CAMK4: variants seen among roughly 807,000 people sequenced by gnomAD.
CAMK4 encodes the protein calcium/calmodulin dependent protein kinase IV.
CAMK4 carries 22 observed loss-of-function variants against 44.9 expected under a neutral mutation model. The observed-to-expected ratio is 0.49, with a 90% confidence interval of 0.35 to 0.70. The LOEUF is 0.70. Ranked by LOEUF, CAMK4 falls within the 30% of genes least tolerant of loss-of-function variation. The pLI is 0.01. For synonymous variants in CAMK4, 218 were observed against 215.4 expected (o/e 1.01, Z -0.11); for missense variants, 498 against 586.8 (o/e 0.85, Z 1.56).
chr5:111,432,645 T>C (rs568256264), intron 5 of CAMK4, among the ~76,000 whole-genome samples: 76 of 132,950 alleles, frequency 5.7e-4, no homozygotes, highest in African/African-American at 2.2e-3. Context: ...TACATATATA[T>C]ATGTATATAT....
chr5:111,421,433 C>T (rs999178289), intron 5 of CAMK4, among the ~76,000 whole-genome samples: 3 of 152,180 alleles, frequency 2.0e-5, no homozygotes, highest in African/African-American at 7.2e-5. Context: ...TTGGGCAGGG[C>T]AATTTCTTTA....
At chr5:111,228,509 G>GGTGTGTGTGTGTGTGTGTGTGTGTGT (rs373248608) in intron 1 of CAMK4, among the ~76,000 whole-genome samples, 2 of 145,254 alleles carry the variant, frequency 1.4e-5, no homozygotes, top group African/African-American at 5.1e-5. Context: ...CATAGTAAGG[G>GGTGTGTGTGTGTGTGTGTGTGTGTGT]GTGTGTGTGT....
intron 4 of CAMK4, among the ~76,000 whole-genome samples, chr5:111,390,376 G>A (rs781652982): frequency 1.3e-5 from 2 of 151,936 alleles, no homozygotes; most frequent in Non-Finnish European, 2.9e-5. Flanking sequence ...TTGTTCTGCT[G>A]CTTCTCACCC....
At chr5:111,337,855 C>T (rs1379653643) in intron 1 of CAMK4, among the ~76,000 whole-genome samples, 1 of 151,002 alleles carries the variant, frequency 6.6e-6, no homozygotes, top group African/African-American at 2.4e-5. Flanking sequence ...TTTCAGCAGC[C>T]GGACTTGTAA....
At chr5:111,465,347 T>G (rs1431438581) in intron 7 of CAMK4, among the ~76,000 whole-genome samples, 1 of 151,022 alleles carries the variant, frequency 6.6e-6, no homozygotes, top group African/African-American at 2.4e-5. Flanking sequence ...AAGAAATAAC[T>G]AAGATAAGAG....
At position 111,493,838 on chromosome 5, in the gene CAMK4, A is replaced by C. The variant is rs1755953062; in HGVS notation, c.*9372A>C. 1 of 152,208 alleles carries C rather than the reference A, an allele frequency of 6.6e-6. No homozygotes were observed. Among genetic ancestry groups the C allele is most frequent in the Non-Finnish European group, 1.5e-5 (1 of 68,034 alleles). 9.4% of individuals were successfully genotyped at this position (152,208 alleles called of 1,614,324 possible). A position where few individuals can be genotyped will look rare whatever the true frequency, so the allele number is the denominator to read the frequency against. ...TTTATTTCAGATAATGCCTGTGATT[A>C]GTGAATGGCGGCATTATTCCTGAAG... On this transcript the variant is annotated 3_prime_UTR_variant, in exon 11 of 11. Coordinates refer to ENST00000282356, the MANE Select transcript of CAMK4 (RefSeq NM_001744.6). The surrounding 1 kb of genome is among the most constrained non-coding windows in gnomAD (Gnocchi z 4.1).
chr5:111,398,861 C>T (rs1413962767), intron 5 of CAMK4, among the ~76,000 whole-genome samples: 3 of 152,074 alleles, frequency 2.0e-5, no homozygotes, highest in Non-Finnish European at 4.4e-5. Context: ...AAATAATAAT[C>T]AACAGGTCCA....
rs1383999048 is a variant in CAMK4, at chr5:111,493,570, A to G, written c.*9104A>G. 1 of 152,224 alleles carries G rather than the reference A, an allele frequency of 6.6e-6. No individual in the cohort carries two copies. Among genetic ancestry groups the G allele is most frequent in the Non-Finnish European group, 1.5e-5 (1 of 68,036 alleles). The allele number at this position is 152,224 out of a possible 1,614,324, so 9.4% of individuals were successfully genotyped here. On this transcript the variant is annotated 3_prime_UTR_variant, in exon 11 of 11. Transcript: ENST00000282356. This position sits in a 1 kb window ranked among gnomAD's most constrained non-coding sequence, Gnocchi z 4.1. ...AATTCTACCTGAAAGTTTAGATTTT[A>G]AAAGACAACCTGTAGGAAGCTAAGT...
intron 7 of CAMK4, among the ~76,000 whole-genome samples, chr5:111,461,698 T>A (rs1754646653): frequency 6.8e-6 from 1 of 147,782 alleles, no homozygotes; most frequent in Admixed American, 6.9e-5. Context: ...CTCTTCTCCC[T>A]CCTCCCTCCT....
rs149092164 is a variant in CAMK4, at chr5:111,477,015, A to G, written c.702-1366A>G. Among the ~76,000 whole-genome samples the G allele has an allele frequency of 1.8e-3, 272 of 152,338 alleles. 2 individuals carry two copies. The East Asian group carries it at 0.032, about 18-fold the overall frequency. ...TAAACTAAGTCTAGGAAGCTGGCTC[A>G]TTTCTCCATGACTAACTGCAACAGG... On this transcript the variant is annotated intron_variant, in intron 8 of 10. Coordinates refer to ENST00000282356, the MANE Select transcript of CAMK4 (RefSeq NM_001744.6).
At chr5:111,272,846 T>C (rs891728748) in intron 1 of CAMK4, among the ~76,000 whole-genome samples, 10 of 152,110 alleles carry the variant, frequency 6.6e-5, no homozygotes, top group Admixed American at 2.6e-4. Flanking sequence ...AATAAGAAAA[T>C]GAATTTGCTA....
intron 1 of CAMK4, among the ~76,000 whole-genome samples, chr5:111,333,814 ATAGT>A (rs1290967359): frequency 6.6e-6 from 1 of 151,610 alleles, no homozygotes; most frequent in Non-Finnish European, 1.5e-5. Flanking sequence ...TGAAGAGTTA[ATAGT>A]TAGTTGCCAA....
chr5:111,473,232 AT>A (rs1260106086), intron 7 of CAMK4, 78 bp from the exon 8 acceptor site: 5 of 944,746 alleles, frequency 5.3e-6, no homozygotes, highest in Non-Finnish European at 8.6e-6. Context: ...TGATGAATTT[AT>A]TTCTTTCCCA....
chr5:111,417,442 C>A (rs936677795), intron 5 of CAMK4, among the ~76,000 whole-genome samples: 2 of 152,022 alleles, frequency 1.3e-5, no homozygotes, highest in Admixed American at 1.3e-4. Flanking sequence ...TCTCAAACTC[C>A]TGACCTCAAG....
At chr5:111,393,896 T>G (rs540644107) in intron 4 of CAMK4, among the ~76,000 whole-genome samples, 4 of 146,784 alleles carry the variant, frequency 2.7e-5, no homozygotes, top group African/African-American at 7.5e-5. Flanking sequence ...TTTTAAAGAA[T>G]CACATTACCA....
rs1359407310 is a variant in CAMK4 at position 111,492,487 on chromosome 5, C to T, written c.*8021C>T. On this transcript the variant is annotated 3_prime_UTR_variant, in exon 11 of 11. Transcript: ENST00000282356. ...TAACAAAATGTAGATTAGGATTCCA[C>T]ATTCTCCCCTGCCCATCTTCTTGAT... 2 of 152,188 alleles carry T rather than the reference C, an allele frequency of 1.3e-5. No homozygotes were observed. The highest frequency in any genetic ancestry group is 6.3e-3 in the Middle Eastern group (2 of 318). The allele number at this position is 152,188 out of a possible 1,614,324, so 9.4% of individuals were successfully genotyped here.
At chr5:111,251,935 G>C (rs1364059956) in intron 1 of CAMK4, among the ~76,000 whole-genome samples, 2 of 152,028 alleles carry the variant, frequency 1.3e-5, no homozygotes, top group Admixed American at 6.6e-5. Flanking sequence ...TGCTACTAAT[G>C]AACTCAGATA....
chr5:111,396,633 T>TTTTTTC (rs1752022043), intron 5 of CAMK4, among the ~76,000 whole-genome samples: 1 of 52,110 alleles, frequency 1.9e-5, no homozygotes, highest in South Asian at 1.0e-3. Context: ...CTCATATTCT[T>TTTTTTC]TTTTTTTTTT....
At chr5:111,245,850 A>G (rs1749210772) in intron 1 of CAMK4, among the ~76,000 whole-genome samples, 2 of 152,240 alleles carry the variant, frequency 1.3e-5, no homozygotes, top group Admixed American at 6.5e-5. Context: ...GAACAAACCT[A>G]TCAGCCACAG....
Sources: gnomAD v4.1 joint callset for allele counts (sites outside exome capture counted in the v4.1 genomes callset) on GRCh38, gnomAD v4.1.1 for gene constraint, Gnocchi (gnomAD v3.1) non-coding constraint, MANE v1.5 for transcripts, NCBI Gene and HGNC (gene_info 2026-07-23, HGNC 2026-07-21) for gene names.